Variants in MAGI2 observed in about 807,000 individuals in gnomAD.
The protein encoded by MAGI2 is membrane associated guanylate kinase, WW and PDZ domain containing 2, also known as membrane-associated guanylate kinase, WW and PDZ domain-containing protein 2.
In MAGI2, 35 loss-of-function variants were observed where a neutral mutation model predicts 133.3. The ratio of observed to expected loss-of-function variants is 0.26; its 90% CI spans 0.20 to 0.35. MAGI2 has a LOEUF of 0.35. MAGI2 is among the 10% of genes least tolerant of loss of function. MAGI2 has a pLI of 1.00. For missense variants in MAGI2, 1,636 were observed against 1,863.4 expected (o/e 0.88, Z 2.25); for synonymous variants, 729 against 710.6 (o/e 1.03, Z -0.41).
chr7:78,596,800 A>T (rs1165242751), intron 3 of MAGI2, among the ~76,000 whole-genome samples: 2 of 152,212 alleles, frequency 1.3e-5, no homozygotes, highest in African/African-American at 4.8e-5. Flanking sequence ...TGTCATCAAG[A>T]CATCCTCATC....
chr7:79,141,330 A>G (rs541016930), intron 1 of MAGI2, among the ~76,000 whole-genome samples: 94 of 152,306 alleles, frequency 6.2e-4, no homozygotes, highest in Middle Eastern at 6.8e-3. Context: ...GATTTTTCAT[A>G]TATTTCACTA....
chr7:79,378,926 G>GTATATATA lies in MAGI2; in HGVS notation c.301+74086_301+74093dup, dbSNP rs59388508. Among the ~76,000 whole-genome samples, 205 of 94,364 alleles carry GTATATATA rather than the reference G, an allele frequency of 2.2e-3. 2 individuals are homozygous for GTATATATA. Among genetic ancestry groups the GTATATATA allele is most frequent in the Non-Finnish European group, 2.6e-3 (112 of 43,214 alleles). The allele number at this position is 94,364 out of a possible 152,430, so 61.9% of individuals were successfully genotyped here. ...CTTTTATATATATATATGTGTGTGT[G>GTATATATA]TATATATATATATATATATATATAT... On this transcript the variant is annotated intron_variant, in intron 1 of 21. Transcript: ENST00000354212.
intron 20 of MAGI2, among the ~76,000 whole-genome samples, chr7:78,118,502 C>A (rs1820098361): frequency 6.6e-6 from 1 of 152,086 alleles, no homozygotes. Context: ...TAAAACTCAA[C>A]AATAAAAAGA....
intron 2 of MAGI2, among the ~76,000 whole-genome samples, chr7:78,772,743 C>A (rs938914129): frequency 6.6e-6 from 1 of 152,124 alleles, no homozygotes; most frequent in African/African-American, 2.4e-5. Flanking sequence ...TAACTGGCTG[C>A]AAATTTAGCT....
At chr7:78,299,299 C>T (rs1275885207) in intron 9 of MAGI2, among the ~76,000 whole-genome samples, 1 of 152,032 alleles carries the variant, frequency 6.6e-6, no homozygotes, top group Non-Finnish European at 1.5e-5. Flanking sequence ...AAGCAGTGCT[C>T]GTTACATGAA....
At chr7:79,265,614 C>G (rs1437486772) in intron 1 of MAGI2, among the ~76,000 whole-genome samples, 1 of 151,974 alleles carries the variant, frequency 6.6e-6, no homozygotes, top group Non-Finnish European at 1.5e-5. Context: ...CATAACAATA[C>G]AAAACTATAG....
intron 21 of MAGI2, among the ~76,000 whole-genome samples, chr7:78,026,278 A>G (rs577410864): frequency 1.3e-5 from 2 of 152,352 alleles, no homozygotes; most frequent in East Asian, 3.9e-4. Context: ...AGAAATAAAA[A>G]ATCTCATCTA....
At chr7:79,288,939 C>T (rs1342429343) in intron 1 of MAGI2, among the ~76,000 whole-genome samples, 1 of 152,108 alleles carries the variant, frequency 6.6e-6, no homozygotes, top group Non-Finnish European at 1.5e-5. Flanking sequence ...AACTGCTAGA[C>T]TTGGGCTTTT....
intron 2 of MAGI2, among the ~76,000 whole-genome samples, chr7:78,893,354 A>G (rs1022899141): frequency 2.0e-5 from 3 of 152,218 alleles, no homozygotes; most frequent in Admixed American, 6.5e-5. Context: ...TAGAAATACC[A>G]TTTGACCCAG....
intron 10 of MAGI2, among the ~76,000 whole-genome samples, chr7:78,224,464 G>T (rs1297299869): frequency 1.3e-5 from 2 of 152,100 alleles, no homozygotes; most frequent in African/African-American, 4.8e-5. Context: ...TCAGGAGTTT[G>T]AGACTAGCCT....
At chr7:78,052,285 T>G (rs953908699) in intron 21 of MAGI2, among the ~76,000 whole-genome samples, 1 of 152,204 alleles carries the variant, frequency 6.6e-6, no homozygotes, top group Non-Finnish European at 1.5e-5. Flanking sequence ...GCTGCCGTCC[T>G]CATGGGACTG....
intron 16 of MAGI2, among the ~76,000 whole-genome samples, chr7:78,149,571 T>C (rs943490956): frequency 1.3e-5 from 2 of 152,246 alleles, no homozygotes; most frequent in African/African-American, 4.8e-5. Flanking sequence ...TTCATCTTGC[T>C]GTTCATCTAG....
At position 78,603,796 on chromosome 7, in the gene MAGI2, C is replaced by G. The variant is rs189741498; in HGVS notation, c.538+23324G>C. On this transcript the variant is annotated intron_variant, in intron 3 of 21. Transcript: ENST00000354212. ...TCAGCCTCCCAGAGTGCTGGGATTA[C>G]AGGTGTGAGTCACCCCGCCCAGCCA... Among the ~76,000 whole-genome samples, 76 of 152,248 alleles carry G rather than the reference C, an allele frequency of 5.0e-4. 1 individual carries two copies. Among genetic ancestry groups the G allele is most frequent in the Admixed American group, 4.8e-3 (74 of 15,298 alleles).
At chr7:78,251,135 C>A (rs1166612071) in intron 10 of MAGI2, among the ~76,000 whole-genome samples, 1 of 152,034 alleles carries the variant, frequency 6.6e-6, no homozygotes, top group African/African-American at 2.4e-5. Flanking sequence ...CAAAAACTAC[C>A]AGATCATCCC....
At chr7:78,678,736 T>C (rs961476590) in intron 2 of MAGI2, among the ~76,000 whole-genome samples, 2 of 152,156 alleles carry the variant, frequency 1.3e-5, no homozygotes, top group Non-Finnish European at 2.9e-5. Context: ...ACAGCTTTAA[T>C]AACTACAATT....
At chr7:78,306,707 A>C (rs1423647581) in intron 9 of MAGI2, among the ~76,000 whole-genome samples, 2 of 152,148 alleles carry the variant, frequency 1.3e-5, no homozygotes, top group African/African-American at 4.8e-5. Flanking sequence ...AAGTTCTGGG[A>C]AAGTGGAGTG....
chr7:78,952,196 T>C (rs916140720), intron 2 of MAGI2, among the ~76,000 whole-genome samples: 1 of 152,146 alleles, frequency 6.6e-6, no homozygotes, highest in African/African-American at 2.4e-5. Flanking sequence ...AAGTTAAGAC[T>C]TCTGGTCTTA....
At chr7:78,946,802 CA>C (rs1410577229) in intron 2 of MAGI2, 1 of 152,048 alleles carries the variant, frequency 6.6e-6, no homozygotes, top group Non-Finnish European at 1.5e-5. Context: ...ATTGGGTCTT[CA>C]GTTAAAAAAT....
At chr7:78,201,639 G>A (rs1829261675) in intron 10 of MAGI2, among the ~76,000 whole-genome samples, 1 of 152,162 alleles carries the variant, frequency 6.6e-6, no homozygotes, top group Admixed American at 6.5e-5. Flanking sequence ...CAATTAATAA[G>A]CCTTCATTAT....
Sources: gnomAD v4.1 joint callset for allele counts (sites outside exome capture counted in the v4.1 genomes callset) on GRCh38, gnomAD v4.1.1 for gene constraint, MANE v1.5 for transcripts, NCBI Gene and HGNC (gene_info 2026-07-23, HGNC 2026-07-21) for gene names.